ZNF670: variants seen among roughly 807,000 people sequenced by gnomAD.
The protein encoded by ZNF670 is zinc finger protein 670.
ZNF670 carries 7 observed loss-of-function variants against 10.9 expected under a neutral mutation model. The ratio of observed to expected loss-of-function variants is 0.64; its 90% CI spans 0.36 to 1.20. The LOEUF (loss-of-function observed/expected upper bound fraction) is 1.20. ZNF670 is among the 50% of genes most tolerant of loss of function. The probability of loss-of-function intolerance (pLI) is 0.02; values close to 1 mark genes in which losing one functional copy is unlikely to be tolerated. For missense variants in ZNF670, 446 were observed against 458.6 expected (o/e 0.97, Z 0.25); for synonymous variants, 136 against 152.7 (o/e 0.89, Z 0.81).
At chr1:247,063,241 C>T (rs769781228) in intron 1 of ZNF670, among the ~76,000 whole-genome samples, 7 of 152,082 alleles carry the variant, frequency 4.6e-5, no homozygotes, top group Non-Finnish European at 1.0e-4. Flanking sequence ...ATAATATTGT[C>T]GTGAACTAGA....
intron 1 of ZNF670, among the ~76,000 whole-genome samples, chr1:247,066,878 T>C (rs945283428): frequency 1.3e-5 from 2 of 152,208 alleles, no homozygotes; most frequent in African/African-American, 2.4e-5. Context: ...TTCCTTTCTG[T>C]TGATAACTCT....
intron 1 of ZNF670, chr1:247,043,285 ATTGT>A: frequency 1.6e-6 from 1 of 640,070 alleles, no homozygotes. Flanking sequence ...AGGGGTGTAC[ATTGT>A]TTGGTCTGTG....
At chr1:247,078,223 C>T (rs929599606) in intron 1 of ZNF670, among the ~76,000 whole-genome samples, 2 of 152,214 alleles carry the variant, frequency 1.3e-5, no homozygotes, top group Non-Finnish European at 2.9e-5. Context: ...CCTCAGTTTT[C>T]TTTCTAACAG....
chr1:247,044,425 TACC>T (rs1258927347), intron 1 of ZNF670, among the ~76,000 whole-genome samples: 1 of 152,190 alleles, frequency 6.6e-6, no homozygotes, highest in African/African-American at 2.4e-5. Flanking sequence ...AAAACAGAAC[TACC>T]TTTTGACCCA....
At chr1:247,074,160 G>A (rs1339373349) in intron 1 of ZNF670, among the ~76,000 whole-genome samples, 2 of 152,126 alleles carry the variant, frequency 1.3e-5, no homozygotes, top group East Asian at 1.9e-4. Flanking sequence ...GAAACAGACA[G>A]CGTAATTTTT....
chr1:247,059,213 G>A (rs910033869), intron 1 of ZNF670, among the ~76,000 whole-genome samples: 25 of 151,948 alleles, frequency 1.6e-4, no homozygotes, highest in Admixed American at 1.2e-3. Flanking sequence ...AGGCCGAGGC[G>A]GGCGGATCAT....
intron 1 of ZNF670, among the ~76,000 whole-genome samples, chr1:247,059,249 G>T (rs1670796455): frequency 6.6e-6 from 1 of 151,876 alleles, no homozygotes; most frequent in South Asian, 2.1e-4. Context: ...AGACCATCCT[G>T]GCTAACACGG....
intron 1 of ZNF670, among the ~76,000 whole-genome samples, chr1:247,072,843 T>TATACACAC (rs1671168605): frequency 1.2e-5 from 1 of 85,844 alleles, no homozygotes; most frequent in African/African-American, 4.9e-5. Context: ...TATATATGCA[T>TATACACAC]ACACACACAT....
chr1:247,057,806 G>C (rs1364122994), intron 1 of ZNF670, among the ~76,000 whole-genome samples: 1 of 152,122 alleles, frequency 6.6e-6, no homozygotes, highest in Non-Finnish European at 1.5e-5. Flanking sequence ...TATGGAGATA[G>C]AAAGTAGAAG....
At chr1:247,064,855 AG>A (rs1384892216) in intron 1 of ZNF670, among the ~76,000 whole-genome samples, 1 of 152,036 alleles carries the variant, frequency 6.6e-6, no homozygotes, top group Non-Finnish European at 1.5e-5. Context: ...CCCATGCTGG[AG>A]TGCAGTAGCA....
At chr1:247,078,479 C>T in intron 1 of ZNF670, 115 bp downstream of exon 1, 1 of 1,378,342 alleles carries the variant, frequency 7.3e-7, no homozygotes, top group Middle Eastern at 2.3e-4. Flanking sequence ...GCCACTAAGG[C>T]CGCGAGGCGC....
chr1:247,048,746 C>T (rs1670517979), intron 1 of ZNF670, among the ~76,000 whole-genome samples: 1 of 152,152 alleles, frequency 6.6e-6, no homozygotes, highest in Non-Finnish European at 1.5e-5. Flanking sequence ...GGAAGCAAGG[C>T]ACCTTCTTCA....
chr1:247,046,890 C>T (rs55891683), intron 1 of ZNF670, among the ~76,000 whole-genome samples: 4,213 of 152,306 alleles, frequency 0.028, 193 homozygotes, highest in African/African-American at 0.094. Flanking sequence ...GTAAATACAC[C>T]GGTTCCAAAT....
chr1:247,068,889 A>G (rs1671053630), intron 1 of ZNF670, among the ~76,000 whole-genome samples: 1 of 149,838 alleles, frequency 6.7e-6, no homozygotes. Flanking sequence ...CACGGATGGA[A>G]CTGGAGATCA....
Position 247,039,434 on chromosome 1 carries a change from A to G in ZNF670, c.107T>C (p.Ile36Thr). ...ACCTACAGAAGCCAGGTTCCTGAAG[A>G]TTTCTTGCATCACATCTCTGTAGAG... ...KNLYRDVMQEIFRNLASVGNK... is the reference protein window; with the variant it reads ...KNLYRDVMQETFRNLASVGNK... The change falls in exon 2 of 4, where the codon ATC becomes ACC. Residue 36 changes from isoleucine (I) to threonine (T), a missense_variant. Coordinates refer to ENST00000366503, the MANE Select transcript of ZNF670 (RefSeq NM_033213.5). 1.2e-6 allele frequency: 2 copies of G among 1,603,906 alleles called. No homozygotes were observed. Among genetic ancestry groups the G allele is most frequent in the Non-Finnish European group, 1.7e-6 (2 of 1,176,382 alleles).
chr1:247,078,549 C>A (rs762295183), intron 1 of ZNF670, 45 bp downstream of exon 1: 10 of 1,612,790 alleles, frequency 6.2e-6, no homozygotes, highest in Admixed American at 1.7e-5. Context: ...CGCTTCCTGG[C>A]GGTTCCCTTT....
chr1:247,055,048 C>T (rs1670684056), intron 1 of ZNF670, among the ~76,000 whole-genome samples: 1 of 152,182 alleles, frequency 6.6e-6, no homozygotes, highest in African/African-American at 2.4e-5. Context: ...GAAACTTGCA[C>T]AAACCTCCAG....
At chr1:247,043,687 G>A (rs1670372499) in intron 1 of ZNF670, 1 of 483,588 alleles carries the variant, frequency 2.1e-6, no homozygotes, top group African/African-American at 2.0e-5. Context: ...TCCACGATGG[G>A]GTATCAATGT....
At chr1:247,078,483 G>T (rs948499662) in intron 1 of ZNF670, 111 bp downstream of exon 1, 8 of 1,414,148 alleles carry the variant, frequency 5.7e-6, no homozygotes, top group South Asian at 2.5e-5. Context: ...CTAAGGCCGC[G>T]AGGCGCCGGC....
Sources: allele counts gnomAD v4.1 joint callset (sites outside exome capture counted in the v4.1 genomes callset), GRCh38; gene constraint gnomAD v4.1.1; transcripts MANE v1.5; gene names NCBI Gene and HGNC (gene_info 2026-07-23, HGNC 2026-07-21).